Variants in CTNNA3 observed in about 807,000 individuals in gnomAD.
CTNNA3 encodes the protein catenin alpha-3.
Under a neutral mutation model 95.7 loss-of-function variants are expected in CTNNA3, and 76 were observed. The observed-to-expected ratio is 0.79, with a 90% CI of 0.66 to 0.96. The LOEUF is 0.96. Among genes scored for constraint, CTNNA3 ranks in the 40% least tolerant of loss-of-function variants. The probability of loss-of-function intolerance (pLI) is 0.00; values close to 1 mark genes in which losing one functional copy is unlikely to be tolerated. For missense variants in CTNNA3, 1,191 were observed against 1,089.8 expected (o/e 1.09, Z -1.31); for synonymous variants, 431 against 374.4 (o/e 1.15, Z -1.74).
At chr10:66,804,485 G>A (rs1841562160) in intron 7 of CTNNA3, among the ~76,000 whole-genome samples, 3 of 151,866 alleles carry the variant, frequency 2.0e-5, no homozygotes, top group Admixed American at 2.0e-4. Context: ...CACCCCACAT[G>A]TCCCTTATTT....
At chr10:67,365,758 A>G (rs1843188768) in intron 5 of CTNNA3, among the ~76,000 whole-genome samples, 1 of 152,226 alleles carries the variant, frequency 6.6e-6, no homozygotes, top group Non-Finnish European at 1.5e-5. Flanking sequence ...AGAAATAGGA[A>G]CGCTTTTACA....
intron 9 of CTNNA3, among the ~76,000 whole-genome samples, chr10:66,737,098 A>G (rs1189815972): frequency 6.7e-6 from 1 of 150,138 alleles, no homozygotes; most frequent in African/African-American, 2.5e-5. Flanking sequence ...TTCTTAAACC[A>G]TTTCCTCTGA....
chr10:67,601,065 A>T (rs941808504), intron 3 of CTNNA3, among the ~76,000 whole-genome samples: 4 of 152,018 alleles, frequency 2.6e-5, no homozygotes, highest in Non-Finnish European at 5.9e-5. Flanking sequence ...ATAATATTCT[A>T]TTTCTTGACG....
chr10:66,816,825 C>T (rs566578978), intron 7 of CTNNA3, among the ~76,000 whole-genome samples: 4 of 152,078 alleles, frequency 2.6e-5, no homozygotes, highest in South Asian at 2.1e-4. Context: ...ATATAAAGTA[C>T]GTCCTCCATC....
intron 5 of CTNNA3, among the ~76,000 whole-genome samples, chr10:67,400,527 T>C (rs1844878543): frequency 1.3e-5 from 2 of 152,286 alleles, no homozygotes; most frequent in South Asian, 4.1e-4. Flanking sequence ...AATAAATACT[T>C]TAGGAAGAAG....
intron 11 of CTNNA3, among the ~76,000 whole-genome samples, chr10:66,514,334 G>A (rs950954001): frequency 2.0e-5 from 3 of 152,070 alleles, no homozygotes; most frequent in African/African-American, 7.2e-5. Flanking sequence ...CAGCAACTTA[G>A]GGAAAAGAAA....
chr10:66,497,864 T>C (rs950027943), intron 11 of CTNNA3, among the ~76,000 whole-genome samples: 1 of 152,102 alleles, frequency 6.6e-6, no homozygotes, highest in African/African-American at 2.4e-5. Flanking sequence ...AAAATTAGAA[T>C]TGTACCAATC....
At chr10:67,348,540 G>A (rs1842518250) in intron 5 of CTNNA3, among the ~76,000 whole-genome samples, 1 of 152,092 alleles carries the variant, frequency 6.6e-6, no homozygotes, top group South Asian at 2.1e-4. Flanking sequence ...GCCTCAAGAA[G>A]CTTCCAACAA....
intron 7 of CTNNA3, among the ~76,000 whole-genome samples, chr10:67,139,908 A>T (rs895495652): frequency 1.3e-5 from 2 of 152,228 alleles, no homozygotes. Context: ...TCAAAGGGAA[A>T]TCTCTGAGAA....
chr10:66,690,061 T>C (rs1439703415), intron 9 of CTNNA3, among the ~76,000 whole-genome samples: 1 of 151,954 alleles, frequency 6.6e-6, no homozygotes, highest in African/African-American at 2.4e-5. Flanking sequence ...CCAGAGAAAT[T>C]TGGAAAAGGG....
chr10:67,379,077 G>T (rs1843812277), intron 5 of CTNNA3, among the ~76,000 whole-genome samples: 1 of 152,128 alleles, frequency 6.6e-6, no homozygotes, highest in South Asian at 2.1e-4. Flanking sequence ...CTATGTCTAG[G>T]AATTCTAAAT....
At chr10:67,563,949 T>A (rs1342303208) in intron 3 of CTNNA3, among the ~76,000 whole-genome samples, 1 of 148,880 alleles carries the variant, frequency 6.7e-6, no homozygotes, top group Non-Finnish European at 1.5e-5. Flanking sequence ...TGAGATACCA[T>A]CTCACACCAG....
At chr10:67,310,689 G>C (rs958298685) in intron 5 of CTNNA3, among the ~76,000 whole-genome samples, 2 of 152,194 alleles carry the variant, frequency 1.3e-5, no homozygotes, top group South Asian at 4.1e-4. Context: ...TGACAGGAGA[G>C]AGAAGTGAAA....
intron 11 of CTNNA3, among the ~76,000 whole-genome samples, chr10:66,461,504 G>A (rs1438307466): frequency 6.6e-6 from 1 of 152,004 alleles, no homozygotes; most frequent in Non-Finnish European, 1.5e-5. Context: ...ATGAGTAGAA[G>A]AGGACTCAAG....
intron 11 of CTNNA3, among the ~76,000 whole-genome samples, chr10:66,440,833 C>T (rs147492567): frequency 2.0e-5 from 3 of 152,146 alleles, no homozygotes; most frequent in Non-Finnish European, 4.4e-5. Context: ...TAGGGCCTGG[C>T]ACACAATAAG....
At chr10:66,063,304 C>CTA (rs2080246603) in intron 15 of CTNNA3, among the ~76,000 whole-genome samples, 1 of 129,284 alleles carries the variant, frequency 7.7e-6, no homozygotes, top group African/African-American at 2.7e-5. Context: ...AAATCTCTCT[C>CTA]TCTATATATA....
rs375359973 is a variant in CTNNA3, at chr10:66,185,937, C to CTA, written c.1885-82690_1885-82689dup. 1.1e-3 allele frequency among the ~76,000 whole-genome samples: 166 copies of CTA among 151,022 alleles called. 1 individual carries two copies. The highest frequency in any genetic ancestry group is 8.3e-4 in the African/African-American group (34 of 41,150). On this transcript the variant is annotated intron_variant, in intron 13 of 17. Transcript: ENST00000433211. The stretch of plus-strand genomic sequence containing the variant: ...CTCTCTCATCACACACTCTCTCTCT[C>CTA]TATATATATATACACATACACATAT...
At chr10:67,205,952 A>C (rs1863878137) in intron 6 of CTNNA3, among the ~76,000 whole-genome samples, 1 of 152,192 alleles carries the variant, frequency 6.6e-6, no homozygotes. Context: ...TCTTGGGAGA[A>C]TGTCTTTCTC....
chr10:66,767,292 A>C (rs539632811), intron 8 of CTNNA3, among the ~76,000 whole-genome samples: 1 of 152,112 alleles, frequency 6.6e-6, no homozygotes, highest in East Asian at 1.9e-4. Flanking sequence ...CTAAAAATAA[A>C]AAAATTAGTT....
Sources: gnomAD v4.1 joint callset for allele counts (sites outside exome capture counted in the v4.1 genomes callset) on GRCh38, gnomAD v4.1.1 for gene constraint, MANE v1.5 for transcripts, NCBI Gene and HGNC (gene_info 2026-07-23, HGNC 2026-07-21) for gene names.